GDPD5: variants seen among roughly 807,000 people sequenced by gnomAD.
GDPD5 encodes glycerophosphodiester phosphodiesterase 2.
Under a neutral mutation model 75.1 loss-of-function variants are expected in GDPD5, and 48 were observed. The ratio of observed to expected loss-of-function variants is 0.64; its 90% CI spans 0.51 to 0.81. The LOEUF (loss-of-function observed/expected upper bound fraction) is 0.81. Among genes scored for constraint, GDPD5 ranks in the 40% least tolerant of loss-of-function variants. The pLI is 0.00. For synonymous variants in GDPD5, 336 were observed against 339.0 expected (o/e 0.99, Z 0.10); for missense variants, 706 against 822.6 (o/e 0.86, Z 1.73).
chr11:75,484,254 A>G (rs902121053), intron 2 of GDPD5, among the ~76,000 whole-genome samples: 1 of 152,142 alleles, frequency 6.6e-6, no homozygotes, highest in Non-Finnish European at 1.5e-5. Flanking sequence ...TGCGAACTTT[A>G]TCTCGATAAA....
At chr11:75,510,749 TC>T (rs1950500160) in intron 1 of GDPD5, among the ~76,000 whole-genome samples, 2 of 139,412 alleles carry the variant, frequency 1.4e-5, no homozygotes, top group African/African-American at 5.5e-5. Flanking sequence ...CGCTCCCTTC[TC>T]CCCCTCCCCC....
At chr11:75,510,520 T>G (rs950992981) in intron 1 of GDPD5, among the ~76,000 whole-genome samples, 3 of 152,122 alleles carry the variant, frequency 2.0e-5, no homozygotes, top group Non-Finnish European at 2.9e-5. Context: ...TCTGACCTCC[T>G]TTTCCTCCCT....
chr11:75,476,056 C>T (rs1949771105), intron 3 of GDPD5, among the ~76,000 whole-genome samples: 1 of 152,198 alleles, frequency 6.6e-6, no homozygotes, highest in Non-Finnish European at 1.5e-5. Context: ...CCCTGATGGC[C>T]AAGGGGCTTC....
chr11:75,449,909 C>A lies in GDPD5; in HGVS notation c.450G>T (p.Trp150Cys). 6.2e-7 allele frequency: 1 copy of A among 1,613,812 alleles called. No individual in the cohort carries two copies. The highest frequency in any genetic ancestry group is 8.5e-7 in the Non-Finnish European group (1 of 1,180,028). ...CCTGCAGGGAGATCAGCAGCACCTC[C>A]CACTCGTCCTCCCACAGCTGGGCCA... is the stretch of plus-strand genomic sequence containing the variant. ...SAVAQLWEDE[W>C]EVLLISLQGT... Residue 150 changes from tryptophan (W) to cysteine (C), a missense_variant, in exon 7 of 17, where the codon TGG becomes TGT. Transcript: ENST00000336898.
intron 1 of GDPD5, among the ~76,000 whole-genome samples, chr11:75,509,512 T>G (rs1273556938): frequency 6.6e-6 from 1 of 152,210 alleles, no homozygotes; most frequent in Non-Finnish European, 1.5e-5. Context: ...TAATATAAAT[T>G]GGACAAATGA....
chr11:75,466,565 C>T (rs565921807), intron 3 of GDPD5, among the ~76,000 whole-genome samples: 53 of 152,294 alleles, frequency 3.5e-4, no homozygotes, highest in South Asian at 8.3e-4. Context: ...GCCCCGGCCA[C>T]GGCCCTCCTT....
At chr11:75,522,496 G>A (rs572008812) in intron 1 of GDPD5, among the ~76,000 whole-genome samples, 16 of 149,412 alleles carry the variant, frequency 1.1e-4, no homozygotes, top group African/African-American at 3.5e-4. Flanking sequence ...ACTCCTCCCC[G>A]TCACCACCTC....
intron 1 of GDPD5, chr11:75,517,295 A>T (rs1950658011): frequency 6.6e-6 from 1 of 152,108 alleles, no homozygotes; most frequent in South Asian, 2.1e-4. Flanking sequence ...TCTCTACTAA[A>T]AATACAAAAT....
rs1040611132 is a variant in GDPD5, at chr11:75,441,094, C to G, written c.1473+69G>C. 33 of 1,503,102 alleles carry G rather than the reference C, an allele frequency of 2.2e-5. No individual in the cohort carries two copies. In the Admixed American group the frequency reaches 4.3e-4, roughly 20 times the overall value. 93.1% of individuals were successfully genotyped at this position (1,503,102 alleles called of 1,614,324 possible). On this transcript the variant is annotated intron_variant, in intron 14 of 16. Transcript: ENST00000336898. ...GGACAGCTCCAAGCACAGAGCTTGC[C>G]GAGTGGTCAGGGCAGGCTATAGGCA...
At chr11:75,507,789 T>C (rs1485872877) in intron 1 of GDPD5, among the ~76,000 whole-genome samples, 1 of 152,184 alleles carries the variant, frequency 6.6e-6, no homozygotes, top group Non-Finnish European at 1.5e-5. Flanking sequence ...ACTCAGAGGC[T>C]AATTAAGCAG....
At chr11:75,470,904 C>T (rs1166060026) in intron 3 of GDPD5, among the ~76,000 whole-genome samples, 1 of 152,202 alleles carries the variant, frequency 6.6e-6, no homozygotes, top group East Asian at 1.9e-4. Flanking sequence ...TGGCCCAAGG[C>T]AGCCCTTTCC....
chr11:75,469,833 G>A (rs1386206463), intron 3 of GDPD5, among the ~76,000 whole-genome samples: 1 of 152,212 alleles, frequency 6.6e-6, no homozygotes, highest in Non-Finnish European at 1.5e-5. Flanking sequence ...GGTAACAACT[G>A]TAATTAGACC....
In GDPD5 at chr11:75,477,620, G is replaced by A. The variant is rs150934987; in HGVS notation, c.116C>T (p.Pro39Leu). Reference protein sequence around the residue: ...RYQRSHDDTTPWERLWFLLLT... With the variant: ...RYQRSHDDTTLWERLWFLLLT... ...TGACCCTGTTCCAGGGTGGCTCACC[G>A]GTGTGGTATCATCATGGGAGCGCTG... Residue 39 changes from proline (P) to leucine (L), a missense_variant and splice_region_variant, in exon 3 of 17, where the codon CCG becomes CTG. Transcript: ENST00000336898. 16 of 1,572,382 alleles carry A rather than the reference G, an allele frequency of 1.0e-5. No individual in the cohort carries two copies. The highest frequency in any genetic ancestry group is 6.7e-5 in the African/African-American group (5 of 74,252).
Position 75,481,487 on chromosome 11 carries a change from C to T in GDPD5, c.-60-3692G>A, listed in dbSNP as rs565556805. Among the ~76,000 whole-genome samples the T allele has an allele frequency of 4.6e-5, 7 of 152,282 alleles. 1 individual carries two copies. The Middle Eastern group carries it at 0.01, about 222-fold the overall frequency. Reference sequence around the variant, plus strand: ...CTGGGGAGGCCTGTGGACTATGGTGCAGCTGCTGGGGCTTCCCTGAGCCAG... The same window carrying T: ...CTGGGGAGGCCTGTGGACTATGGTGTAGCTGCTGGGGCTTCCCTGAGCCAG... On this transcript the variant is annotated intron_variant, in intron 2 of 16. Transcript: ENST00000336898.
chr11:75,444,933 A>T (rs1392720748), intron 9 of GDPD5, among the ~76,000 whole-genome samples: 1 of 152,104 alleles, frequency 6.6e-6, no homozygotes, highest in Non-Finnish European at 1.5e-5. Context: ...GGTTATACCA[A>T]GGGTTATACC....
intron 3 of GDPD5, among the ~76,000 whole-genome samples, chr11:75,476,989 A>G (rs1180044924): frequency 1.3e-5 from 2 of 152,164 alleles, no homozygotes; most frequent in Admixed American, 1.3e-4. Context: ...GGAGGAGGAA[A>G]GTTGTTCTCC....
At chr11:75,446,696 A>G (rs1307316765) in intron 9 of GDPD5, among the ~76,000 whole-genome samples, 2 of 152,164 alleles carry the variant, frequency 1.3e-5, no homozygotes, top group African/African-American at 4.8e-5. Context: ...CTCACCACAC[A>G]CAGACATGTG....
In GDPD5 at chr11:75,444,474, T is replaced by C. The variant is rs780198723; in HGVS notation, c.736A>G (p.Met246Val). ...APMLAPEHTL[M>V]SFRKALEQKL... ...TGCTCGAGGGCCTTCCGGAAGGACA[T>C]GAGCGTGTGCTCTGGAGCCAGCTGG... Residue 246 changes from methionine to valine, a missense_variant, in exon 10 of 17, where the codon ATG becomes GTG. Coordinates refer to ENST00000336898, the MANE Select transcript of GDPD5 (RefSeq NM_030792.8). 1.2e-6 allele frequency: 2 copies of C among 1,613,706 alleles called. No homozygotes were observed. The highest frequency in any genetic ancestry group is 1.1e-5 in the South Asian group (1 of 91,074).
Position 75,477,677 on chromosome 11 carries a change from G to A in GDPD5, c.59C>T (p.Thr20Met), listed in dbSNP as rs748761166. The change falls in exon 3 of 17, where the codon ACG becomes ATG. Residue 20 changes from threonine (T) to methionine (M), a missense_variant. Physicochemically the swap from Thr to Met is moderately conservative, Grantham distance 81 (BLOSUM62 -1). Coordinates refer to ENST00000336898, the MANE Select transcript of GDPD5 (RefSeq NM_030792.8). ...YEPQLCLSCLTGIYGCRWKRY... is the reference protein window; with the variant it reads ...YEPQLCLSCLMGIYGCRWKRY... ...CTTCCAACGGCAGCCGTAGATGCCC[G>A]TGAGGCAGGAGAGGCACAGCTGTGG... 1.6e-5 allele frequency: 25 copies of A among 1,600,112 alleles called. No homozygotes were observed. Among genetic ancestry groups the A allele is most frequent in the East Asian group, 4.5e-5 (2 of 44,392 alleles).
Sources: allele counts gnomAD v4.1 joint callset (sites outside exome capture counted in the v4.1 genomes callset), GRCh38; gene constraint gnomAD v4.1.1; transcripts MANE v1.5; gene names NCBI Gene and HGNC (gene_info 2026-07-23, HGNC 2026-07-21).